Variants in GCNT3 observed in about 807,000 individuals in gnomAD.
GCNT3 encodes beta-1,3-galactosyl-O-glycosyl-glycoprotein beta-1,6-N-acetylglucosaminyltransferase 3.
For synonymous variants in GCNT3, 269 were observed against 195.2 expected (o/e 1.38, Z -3.15); for missense variants, 708 against 530.3 (o/e 1.34, Z -3.29).
intron 1 of GCNT3, among the ~76,000 whole-genome samples, chr15:59,614,366 G>A (rs1299733596): frequency 3.3e-5 from 5 of 152,088 alleles, no homozygotes; most frequent in African/African-American, 7.2e-5. Context: ...TGGATCTTGC[G>A]CAAGAAAGAA....
rs1052871357 is a variant in GCNT3, at chr15:59,621,649, C to T, written c.*2094C>T. The T allele has an allele frequency of 4.3e-5, 5 of 115,116 alleles. No homozygotes were observed. Among genetic ancestry groups the T allele is most frequent in the Admixed American group, 1.3e-4 (1 of 7,790 alleles). The allele number at this position is 115,116 out of a possible 1,614,324, so 7.1% of individuals were successfully genotyped here. On this transcript the variant is annotated 3_prime_UTR_variant, in exon 3 of 3. Coordinates refer to ENST00000396065, the MANE Select transcript of GCNT3 (RefSeq NM_004751.3). ...CTCTGTCACCCAGGTTGGAGTGCAA[C>T]GAATGGCGCAATCTTGGCTCATTAC...
chr15:59,619,221 C>T lies in GCNT3; in HGVS notation c.983C>T (p.Pro328Leu), dbSNP rs753183202. 2 of 1,614,006 alleles carry T rather than the reference C, an allele frequency of 1.2e-6. No homozygotes were observed. The highest frequency in any genetic ancestry group is 1.7e-6 in the Non-Finnish European group (2 of 1,179,958). The part of the protein sequence containing the change: ...LIEWVKDTYS[P>L]DEHLWATLQR... The stretch of plus-strand genomic sequence containing the variant: ...GAATGGGTAAAAGACACTTATAGCC[C>T]AGATGAACACCTCTGGGCCACCCTT... Residue 328 changes from proline (P) to leucine (L), a missense_variant, in exon 3 of 3, where the codon CCA (proline) becomes CTA (leucine). By Grantham distance (98) the Pro-to-Leu change is moderately conservative. Transcript: ENST00000396065.
rs2082733006 is a variant in GCNT3, at chr15:59,618,837, G to C, written c.599G>C (p.Trp200Ser). 1 of 1,614,172 alleles carries C rather than the reference G, an allele frequency of 6.2e-7. No homozygotes were observed. The highest frequency in any genetic ancestry group is 8.5e-7 in the Non-Finnish European group (1 of 1,180,026). The change falls in exon 3 of 3, where the codon TGG becomes TCG. Residue 200 changes from tryptophan (W) to serine (S), a missense_variant. Transcript: ENST00000396065. The part of the protein sequence containing the change: ...SKLVRVVYAS[W>S]SRVQADLNCM... ...CTGGTTCGGGTGGTTTATGCCTCCT[G>C]GTCCAGGGTGCAAGCTGACCTCAAC...
At position 59,621,166 on chromosome 15, in the gene GCNT3, T is replaced by C. The variant is rs1215007939; in HGVS notation, c.*1611T>C. 2.0e-5 allele frequency: 3 copies of C among 152,064 alleles called. No individual in the cohort carries two copies. The highest frequency in any genetic ancestry group is 7.2e-5 in the African/African-American group (3 of 41,380). The allele number at this position is 152,064 out of a possible 1,614,324, so 9.4% of individuals were successfully genotyped here. A position where few individuals can be genotyped will look rare whatever the true frequency, so the allele number is the denominator to read the frequency against. On this transcript the variant is annotated 3_prime_UTR_variant, in exon 3 of 3. Transcript: ENST00000396065. ...TCCCAAAGTGCTGGGATTACAGGTG[T>C]GAGCCACCATGCCTGGTCCCCTCTT...
At chr15:59,616,507 T>C (rs2082720369) in intron 1 of GCNT3, 185 bp from the exon 2 acceptor site, 1 of 152,238 alleles carries the variant, frequency 6.6e-6, no homozygotes, top group South Asian at 2.1e-4. Flanking sequence ...CAAACTGGGC[T>C]GTTCTGGCTG....
Position 59,618,262 on chromosome 15 carries a change from C to A in GCNT3, c.24C>A (p.Cys8Ter), listed in dbSNP as rs140912823. 1 of 1,583,054 alleles carries A rather than the reference C, an allele frequency of 6.3e-7. No individual in the cohort carries two copies. The highest frequency in any genetic ancestry group is 2.2e-5 in the East Asian group (1 of 44,580). The change falls in exon 3 of 3, where the codon TGC becomes TGA. Residue 8 changes from cysteine (C) to a stop codon, truncating the protein, a stop_gained. Transcript: ENST00000396065. LOFTEE classifies it low-confidence loss of function (END_TRUNC). ...CGATGGTTCAATGGAAGAGACTCTG[C>A]CAGCTGCATTACTTGTGGGCTCTGG... MVQWKRLCQLHYLWALGC... is the reference protein window; with the variant it reads MVQWKRL
In GCNT3 at chr15:59,619,028, C is replaced by T. The variant is rs182892758; in HGVS notation, c.790C>T (p.Arg264Cys). 6.6e-5 allele frequency: 107 copies of T among 1,614,044 alleles called. No individual in the cohort carries two copies. The highest frequency in any genetic ancestry group is 3.3e-4 in the Middle Eastern group (2 of 6,062). ...SEVPPKHKET[R>C]WKYHFEVVRD... Reference sequence around the variant, plus strand: ...GGTACCTCCTAAGCACAAAGAAACCCGCTGGAAATATCACTTTGAGGTAGT... The same window carrying T: ...GGTACCTCCTAAGCACAAAGAAACCTGCTGGAAATATCACTTTGAGGTAGT... Residue 264 changes from arginine to cysteine, a missense_variant, in exon 3 of 3, where the codon CGC (arginine) becomes TGC (cysteine). Coordinates refer to ENST00000396065, the MANE Select transcript of GCNT3 (RefSeq NM_004751.3).
intron 1 of GCNT3, among the ~76,000 whole-genome samples, chr15:59,613,624 G>GC (rs2082706539): frequency 6.6e-6 from 1 of 151,966 alleles, no homozygotes; most frequent in Non-Finnish European, 1.5e-5. Context: ...TACTCAGGAG[G>GC]CTGAGGTAGG....
chr15:59,612,741 G>A (rs1444999466), intron 1 of GCNT3, among the ~76,000 whole-genome samples: 4 of 152,060 alleles, frequency 2.6e-5, no homozygotes, highest in African/African-American at 7.2e-5. Flanking sequence ...CCTGATCTCT[G>A]CAGGTTGCCT....
chr15:59,618,222 T>C lies in GCNT3; in HGVS notation c.-17T>C. On this transcript the variant is annotated 5_prime_UTR_variant, in exon 3 of 3. Coordinates refer to ENST00000396065, the MANE Select transcript of GCNT3 (RefSeq NM_004751.3). ...CTTCCCTGTGCTCGGTCTCCACCTG[T>C]CTCCCATTCTGTGACGATGGTTCAA... The C allele has an allele frequency of 6.9e-7, 1 of 1,439,844 alleles. No individual in the cohort carries two copies. Among genetic ancestry groups the C allele is most frequent in the Non-Finnish European group, 9.5e-7 (1 of 1,051,104 alleles). 89.2% of individuals were successfully genotyped at this position (1,439,844 alleles called of 1,614,324 possible).
In GCNT3 at chr15:59,618,709, G is replaced by T; in HGVS notation, c.471G>T (p.Gln157His). ...ERLLRAVYAP[Q>H]NIYCVHVDEK... ...TACTGCGAGCTGTGTATGCCCCTCA[G>T]AACATATACTGTGTCCATGTGGATG... The change falls in exon 3 of 3, where the codon CAG (glutamine) becomes CAT (histidine). Residue 157 changes from glutamine (Q) to histidine (H), a missense_variant. Transcript: ENST00000396065. The T allele has an allele frequency of 3.1e-6, 5 of 1,614,100 alleles. No individual in the cohort carries two copies. Among genetic ancestry groups the T allele is most frequent in the Non-Finnish European group, 4.2e-6 (5 of 1,179,962 alleles).
Position 59,618,298 on chromosome 15 carries a change from G to A in GCNT3, c.60G>A (p.Met20Ile). ...LHYLWALGCY[M>I]LLATVALKLS... ...ACTTGTGGGCTCTGGGCTGCTATAT[G>A]CTGCTGGCCACTGTGGCTCTGAAAC... The change falls in exon 3 of 3, where the codon ATG becomes ATA. Residue 20 changes from methionine (M) to isoleucine (I), a missense_variant. Met to Ile is a conservative substitution (Grantham distance 10, BLOSUM62 1). Transcript: ENST00000396065. 6.2e-7 allele frequency: 1 copy of A among 1,612,358 alleles called. No individual in the cohort carries two copies. Among genetic ancestry groups the A allele is most frequent in the Non-Finnish European group, 8.5e-7 (1 of 1,179,416 alleles).
At position 59,617,170 on chromosome 15, in the gene GCNT3, C is replaced by CTTT. The variant is rs373439386; in HGVS notation, c.-61+290_-61+292dup. Among the ~76,000 whole-genome samples, 504 of 82,292 alleles carry CTTT rather than the reference C, an allele frequency of 6.1e-3. 25 individuals carry two copies. Among genetic ancestry groups the CTTT allele is most frequent in the African/African-American group, 0.021 (459 of 21,590 alleles). 54.0% of individuals were successfully genotyped at this position (82,292 alleles called of 152,430 possible). ...TTTTTCTTTATTTTTCTTTTGTTTT[C>CTTT]TTTCTTTCTTTTTTTTTTTTTAAAG... On this transcript the variant is annotated intron_variant, in intron 2 of 2. Transcript: ENST00000396065.
Position 59,618,901 on chromosome 15 carries a change from A to G in GCNT3, c.663A>G (p.Lys221=), listed in dbSNP as rs2082733411. ...TGCTCCAGAGCTCAGTGCCGTGGAA[A>G]TACTTCCTGAATACATGTGGGACGG... ...EDLLQSSVPW[K]YFLNTCGTDF... The change falls in exon 3 of 3, where the codon AAA becomes AAG. Residue 221 remains lysine (K), a synonymous_variant. Transcript: ENST00000396065. The G allele has an allele frequency of 1.9e-6, 3 of 1,614,052 alleles. No individual in the cohort carries two copies. Among genetic ancestry groups the G allele is most frequent in the Middle Eastern group, 1.6e-4 (1 of 6,084 alleles).
In GCNT3 at chr15:59,619,493, A is replaced by G; in HGVS notation, c.1255A>G (p.Asn419Asp). Residue 419 changes from asparagine (N) to aspartate (D), a missense_variant, in exon 3 of 3, where the codon AAT (asparagine) becomes GAT (aspartate). Physicochemically the swap from Asn to Asp is conservative, Grantham distance 23 (BLOSUM62 1). Transcript: ENST00000396065. ...ANKFDPKVDD[N>D]ALQCLEEYLR... is the part of the protein sequence containing the mutation. Reference sequence around the variant, plus strand: ...CAAGTTTGACCCAAAGGTAGATGATAATGCTCTTCAGTGCTTAGAAGAATA... The same window carrying G: ...CAAGTTTGACCCAAAGGTAGATGATGATGCTCTTCAGTGCTTAGAAGAATA... The G allele has an allele frequency of 6.2e-7, 1 of 1,613,978 alleles. No homozygotes were observed. Among genetic ancestry groups the G allele is most frequent in the Non-Finnish European group, 8.5e-7 (1 of 1,179,900 alleles).
rs540744858 is a variant in GCNT3 at position 59,620,513 on chromosome 15, C to A, written c.*958C>A. 1.2e-5 allele frequency: 2 copies of A among 166,958 alleles called. No individual in the cohort carries two copies. The highest frequency in any genetic ancestry group is 2.4e-5 in the African/African-American group (1 of 41,406). The allele number at this position is 166,958 out of a possible 1,614,324, so 10.3% of individuals were successfully genotyped here. On this transcript the variant is annotated 3_prime_UTR_variant, in exon 3 of 3. Transcript: ENST00000396065. ...AGACAGGGGAACAGGGATGGTTCTT[C>A]CATTGTTAAAAGCCATCCTCATTTT...
Position 59,611,944 on chromosome 15 carries a change from TC to T in GCNT3, c.-286del, listed in dbSNP as rs2082698203. On this transcript the variant is annotated 5_prime_UTR_variant, in exon 1 of 3. It introduces an in-frame stop codon into an upstream open reading frame of the 5' UTR. Transcript: ENST00000396065. ...ATGAAGAACATGACCTCAAGGAGCTTCCTGTCAATGAGAAGACCAAGCTGAC... is the reference window on the plus strand; with the variant it reads ...ATGAAGAACATGACCTCAAGGAGCTTCTGTCAATGAGAAGACCAAGCTGAC... The T allele has an allele frequency of 1.3e-5, 2 of 152,166 alleles. No individual in the cohort carries two copies. The highest frequency in any genetic ancestry group is 6.5e-5 in the Admixed American group (1 of 15,276). The allele number at this position is 152,166 out of a possible 1,614,324, so 9.4% of individuals were successfully genotyped here. A position where few individuals can be genotyped will look rare whatever the true frequency, so the allele number is the denominator to read the frequency against.
rs2082728946 is a variant in GCNT3 at position 59,618,293 on chromosome 15, T to C, written c.55T>C (p.Tyr19His). Reference sequence around the variant, plus strand: ...GCATTACTTGTGGGCTCTGGGCTGCTATATGCTGCTGGCCACTGTGGCTCT... The same window carrying C: ...GCATTACTTGTGGGCTCTGGGCTGCCATATGCTGCTGGCCACTGTGGCTCT... ...QLHYLWALGCYMLLATVALKL... is the reference protein window; with the variant it reads ...QLHYLWALGCHMLLATVALKL... Residue 19 changes from tyrosine (Y) to histidine (H), a missense_variant, in exon 3 of 3, where the codon TAT becomes CAT. Physicochemically the swap from Tyr to His is moderately conservative, Grantham distance 83 (BLOSUM62 2). Coordinates refer to ENST00000396065, the MANE Select transcript of GCNT3 (RefSeq NM_004751.3). 6.2e-7 allele frequency: 1 copy of C among 1,611,552 alleles called. No individual in the cohort carries two copies. Among genetic ancestry groups the C allele is most frequent in the Non-Finnish European group, 8.5e-7 (1 of 1,179,158 alleles).
chr15:59,616,628 C>G (rs1371311055), intron 1 of GCNT3, 64 bp from the exon 2 acceptor site: 1 of 152,206 alleles, frequency 6.6e-6, no homozygotes, highest in African/African-American at 2.4e-5. Flanking sequence ...AGCTTGCTGT[C>G]TTACCTGAGA....
Sources: gnomAD v4.1 joint callset for allele counts (sites outside exome capture counted in the v4.1 genomes callset) on GRCh38, gnomAD v4.1.1 for gene constraint, MANE v1.5 for transcripts, NCBI Gene and HGNC (gene_info 2026-07-23, HGNC 2026-07-21) for gene names.